Variants in THSD7B observed in about 807,000 individuals in gnomAD.
THSD7B encodes thrombospondin type 1 domain containing 7B.
A neutral mutation model predicts 213.6 loss-of-function variants in THSD7B; 138 were observed. The observed-to-expected ratio is 0.65, with a 90% CI of 0.56 to 0.74. The LOEUF is 0.74. Among genes scored for constraint, THSD7B ranks in the 30% least tolerant of loss-of-function variants. The pLI, the probability that THSD7B is intolerant of heterozygous loss-of-function variation, is 0.00. For missense variants in THSD7B, 1,931 were observed against 1,991.5 expected (o/e 0.97, Z 0.58); for synonymous variants, 742 against 687.0 (o/e 1.08, Z -1.25).
intron 15 of THSD7B, among the ~76,000 whole-genome samples, chr2:137,497,666 A>G (rs1198928110): frequency 2.6e-5 from 4 of 152,036 alleles, no homozygotes; most frequent in Admixed American, 2.0e-4. Flanking sequence ...CCTCTCGCAT[A>G]TGGATAAAAA....
chr2:136,951,632 G>A (rs1685040258), intron 2 of THSD7B, among the ~76,000 whole-genome samples: 1 of 152,102 alleles, frequency 6.6e-6, no homozygotes, highest in South Asian at 2.1e-4. Context: ...TTCATCTTTT[G>A]CCAATACTAC....
intron 2 of THSD7B, among the ~76,000 whole-genome samples, chr2:136,925,220 G>A (rs1684503565): frequency 6.6e-6 from 1 of 152,200 alleles, no homozygotes. Flanking sequence ...TTGGATAGCA[G>A]TGGTGAGAGT....
At chr2:136,932,872 A>G (rs2105049868) in intron 2 of THSD7B, among the ~76,000 whole-genome samples, 1 of 152,272 alleles carries the variant, frequency 6.6e-6, no homozygotes, top group South Asian at 2.1e-4. Flanking sequence ...GAAGGATGAA[A>G]GGGGCTCAAT....
At chr2:136,896,932 A>T (rs1683969050) in intron 2 of THSD7B, among the ~76,000 whole-genome samples, 1 of 147,236 alleles carries the variant, frequency 6.8e-6, no homozygotes, top group African/African-American at 2.5e-5. Flanking sequence ...CCAGTACTAT[A>T]TACATATATA....
At chr2:137,371,616 T>G (rs1685536716) in intron 12 of THSD7B, among the ~76,000 whole-genome samples, 2 of 152,176 alleles carry the variant, frequency 1.3e-5, no homozygotes, top group African/African-American at 4.8e-5. Flanking sequence ...ATATTTTTGT[T>G]CTCTAGTTCT....
chr2:136,890,120 C>A (rs1425307883), intron 2 of THSD7B, among the ~76,000 whole-genome samples: 5 of 152,030 alleles, frequency 3.3e-5, no homozygotes, highest in African/African-American at 1.2e-4. Context: ...CATTCTGATC[C>A]CGACTTTTTG....
In THSD7B at chr2:137,244,299, A is replaced by G. The variant is rs180843479; in HGVS notation, c.2266+1727A>G. ...AGCTTCTTATTCATGAGAGTTTAGT[A>G]CAATTCCTGTTAAATTGTTATAAGA... On this transcript the variant is annotated intron_variant, in intron 10 of 27. Transcript: ENST00000409968. Among the ~76,000 whole-genome samples the G allele has an allele frequency of 3.2e-3, 493 of 152,328 alleles. 4 individuals are homozygous for G. Among genetic ancestry groups the G allele is most frequent in the African/African-American group, 0.011 (468 of 41,578 alleles).
At chr2:137,485,582 T>C (rs1190087582) in intron 15 of THSD7B, among the ~76,000 whole-genome samples, 5 of 152,118 alleles carry the variant, frequency 3.3e-5, no homozygotes, top group African/African-American at 1.2e-4. Flanking sequence ...CTGCAGGATA[T>C]TATCCAGGAG....
At chr2:136,850,221 T>G (rs1045222262) in intron 1 of THSD7B, among the ~76,000 whole-genome samples, 2 of 152,124 alleles carry the variant, frequency 1.3e-5, no homozygotes, top group Non-Finnish European at 2.9e-5. Flanking sequence ...AGTTTATCAA[T>G]TTTTACAACT....
intron 17 of THSD7B, among the ~76,000 whole-genome samples, chr2:137,597,334 T>A (rs1362842479): frequency 6.6e-6 from 1 of 152,054 alleles, no homozygotes; most frequent in Non-Finnish European, 1.5e-5. Context: ...AGGCCAGATG[T>A]CCTGATCTTC....
chr2:137,335,682 G>A (rs1022496795), intron 12 of THSD7B, among the ~76,000 whole-genome samples: 1 of 152,182 alleles, frequency 6.6e-6, no homozygotes, highest in Non-Finnish European at 1.5e-5. Flanking sequence ...GTGATTTTGA[G>A]TTGTAGTTAT....
chr2:137,250,051 G>A (rs926323813), intron 10 of THSD7B, among the ~76,000 whole-genome samples: 48 of 152,298 alleles, frequency 3.2e-4, no homozygotes, highest in African/African-American at 1.1e-3. Context: ...AAAAAACCCA[G>A]TGTTTAAACT....
intron 12 of THSD7B, among the ~76,000 whole-genome samples, chr2:137,371,741 T>C (rs1000501881): frequency 2.6e-5 from 4 of 152,164 alleles, no homozygotes; most frequent in African/African-American, 9.6e-5. Context: ...TTTGACTTAA[T>C]CTTACATTCT....
At chr2:136,852,419 C>A (rs963570723) in intron 1 of THSD7B, among the ~76,000 whole-genome samples, 4 of 152,114 alleles carry the variant, frequency 2.6e-5, no homozygotes, top group Non-Finnish European at 5.9e-5. Flanking sequence ...TGTCAACAAC[C>A]TGAATGGAAG....
At chr2:137,288,744 CAGTG>C (rs1271692975) in intron 12 of THSD7B, among the ~76,000 whole-genome samples, 1 of 151,806 alleles carries the variant, frequency 6.6e-6, no homozygotes, top group African/African-American at 2.4e-5. Flanking sequence ...CACACATACA[CAGTG>C]AGAGAGGACT....
chr2:136,976,634 T>C (rs1014855475), intron 2 of THSD7B, among the ~76,000 whole-genome samples: 1 of 149,854 alleles, frequency 6.7e-6, no homozygotes, highest in Non-Finnish European at 1.5e-5. Flanking sequence ...AAGTTTTCCT[T>C]TTTTTTTTTC....
chr2:137,369,630 C>T (rs560126740), intron 12 of THSD7B, among the ~76,000 whole-genome samples: 109 of 152,270 alleles, frequency 7.2e-4, no homozygotes, highest in South Asian at 1.5e-3. Context: ...TGCCTTTCCA[C>T]GCAACTCAGT....
intron 14 of THSD7B, among the ~76,000 whole-genome samples, chr2:137,414,410 A>G (rs1400950823): frequency 4.7e-5 from 7 of 150,338 alleles, no homozygotes; most frequent in South Asian, 4.1e-4. Flanking sequence ...GTGTGTGTGT[A>G]TATATATATA....
intron 1 of THSD7B, among the ~76,000 whole-genome samples, chr2:136,867,097 A>T (rs182365948): frequency 5.1e-4 from 77 of 152,342 alleles, no homozygotes; most frequent in African/African-American, 1.8e-3. Flanking sequence ...AGATGAAGAA[A>T]ATTATGTCCC....
Sources: allele counts gnomAD v4.1 joint callset (sites outside exome capture counted in the v4.1 genomes callset), GRCh38; gene constraint gnomAD v4.1.1; transcripts MANE v1.5; gene names NCBI Gene and HGNC (gene_info 2026-07-23, HGNC 2026-07-21).